AZI2: variants seen among roughly 807,000 people sequenced by gnomAD.
The protein encoded by AZI2 is 5-azacytidine-induced protein 2.
In AZI2, 22 loss-of-function variants were observed where a neutral mutation model predicts 45.8. The ratio of observed to expected loss-of-function variants is 0.48; its 90% CI spans 0.34 to 0.69. The LOEUF is 0.69. Ranked by LOEUF, AZI2 falls within the 30% of genes least tolerant of loss-of-function variation. AZI2 has a pLI of 0.01. For missense variants in AZI2, 417 were observed against 441.5 expected (o/e 0.94, Z 0.50); for synonymous variants, 137 against 156.7 (o/e 0.87, Z 0.94).
chr3:28,342,107 G>A (rs901475025), intron 1 of AZI2, among the ~76,000 whole-genome samples: 14 of 152,018 alleles, frequency 9.2e-5, no homozygotes, highest in African/African-American at 3.1e-4. Context: ...CTAACAAAAG[G>A]TTTTGTGTTT....
At chr3:28,325,653 G>C (rs1471818331) in intron 7 of AZI2, among the ~76,000 whole-genome samples, 1 of 151,054 alleles carries the variant, frequency 6.6e-6, no homozygotes, top group Non-Finnish European at 1.5e-5. Context: ...TATGAAAAGA[G>C]CATTGCTCCT....
chr3:28,345,465 TA>T (rs1410589812), intron 1 of AZI2, among the ~76,000 whole-genome samples: 1 of 152,150 alleles, frequency 6.6e-6, no homozygotes, highest in Admixed American at 6.5e-5. Context: ...GCAAACATTT[TA>T]TATATTTGGC....
At chr3:28,329,740 G>C (rs1703507794) in intron 6 of AZI2, among the ~76,000 whole-genome samples, 2 of 151,190 alleles carry the variant, frequency 1.3e-5, no homozygotes, top group Admixed American at 1.3e-4. Flanking sequence ...AAGAGTTATA[G>C]ACTTAAAAGT....
chr3:28,338,550 A>G lies in AZI2; in HGVS notation c.282T>C (p.His94=), dbSNP rs1472383828. Residue 94 remains histidine (H), a synonymous_variant, in exon 3 of 8, where the codon CAT becomes CAC. Transcript: ENST00000479665. The part of the protein sequence containing the change: ...VGREQVNKAY[H]AYREVCIDRD... ...TATCAATGCAAACCTCTCGATATGCATGATAGGCCTTATTTACTTGTTCTC... is the reference window on the plus strand; with the variant it reads ...TATCAATGCAAACCTCTCGATATGCGTGATAGGCCTTATTTACTTGTTCTC... 1 of 1,609,012 alleles carries G rather than the reference A, an allele frequency of 6.2e-7. No homozygotes were observed. The highest frequency in any genetic ancestry group is 1.3e-5 in the African/African-American group (1 of 74,882).
rs1240831575 is a variant in AZI2, at chr3:28,332,408, T to C, written c.608A>G (p.Asn203Ser). ...AKQTDPYQED[N>S]LKSRDLQKLS... ...TTTTTGGAGATCTCTGCTCTTCAGA[T>C]TGTCTTCCTGATATGGATCCTGTCA... The change falls in exon 6 of 8, where the codon AAT becomes AGT. Residue 203 changes from asparagine to serine, a missense_variant. By Grantham distance (46) the Asn-to-Ser change is conservative. Coordinates refer to ENST00000479665, the MANE Select transcript of AZI2 (RefSeq NM_022461.5). 2.5e-6 allele frequency: 4 copies of C among 1,608,816 alleles called. No homozygotes were observed. Among genetic ancestry groups the C allele is most frequent in the Admixed American group, 3.3e-5 (2 of 59,714 alleles).
Position 28,322,452 on chromosome 3 carries a change from C to T in AZI2, c.*1590G>A, listed in dbSNP as rs1004164076. 6.6e-6 allele frequency: 1 copy of T among 151,342 alleles called. No homozygotes were observed. The highest frequency in any genetic ancestry group is 1.5e-5 in the Non-Finnish European group (1 of 67,298). 9.4% of individuals were successfully genotyped at this position (151,342 alleles called of 1,614,324 possible). Reference sequence around the variant, plus strand: ...TATCTCATAAGACTTTTTTTCTTTACAAAGGAAAATTTCCAATTTTGGTTT... The same window carrying T: ...TATCTCATAAGACTTTTTTTCTTTATAAAGGAAAATTTCCAATTTTGGTTT... On this transcript the variant is annotated 3_prime_UTR_variant, in exon 8 of 8. Coordinates refer to ENST00000479665, the MANE Select transcript of AZI2 (RefSeq NM_022461.5).
chr3:28,347,179 C>T (rs1704276574), intron 1 of AZI2, among the ~76,000 whole-genome samples: 1 of 151,856 alleles, frequency 6.6e-6, no homozygotes, highest in South Asian at 2.1e-4. Context: ...AATATAAGTG[C>T]CATAAAAAAG....
intron 5 of AZI2, among the ~76,000 whole-genome samples, chr3:28,333,541 C>CAT (rs10695411): frequency 0.3 from 45,314 of 151,278 alleles, 7,742 homozygotes; most frequent in African/African-American, 0.45. Context: ...TATACTTATG[C>CAT]ATATGTTCAT....
At chr3:28,340,328 A>G in intron 2 of AZI2, 74 bp downstream of exon 2, 1 of 1,030,548 alleles carries the variant, frequency 9.7e-7, no homozygotes, top group Non-Finnish European at 1.4e-6. Context: ...CAGGACAAAA[A>G]GTATTCAAAA....
At chr3:28,347,719 C>G (rs532580684) in intron 1 of AZI2, among the ~76,000 whole-genome samples, 2 of 152,272 alleles carry the variant, frequency 1.3e-5, no homozygotes, top group Admixed American at 1.3e-4. Flanking sequence ...GGCTTACAAA[C>G]AATATCACAT....
intron 7 of AZI2, among the ~76,000 whole-genome samples, chr3:28,326,059 C>A (rs1703375357): frequency 1.3e-5 from 2 of 151,016 alleles, no homozygotes; most frequent in South Asian, 2.1e-4. Flanking sequence ...TGGTGATAAT[C>A]TTTTATAAAA....
rs990086202 is a variant in AZI2 at position 28,340,459 on chromosome 3, C to T, written c.159G>A (p.Lys53=). Residue 53 remains lysine (K), a synonymous_variant, in exon 2 of 8, where the codon AAG becomes AAA. Transcript: ENST00000479665. The part of the protein sequence containing the change: ...TAYEDIKKRL[K]DSEKENSLLK... Reference sequence around the variant, plus strand: ...ACAAAGAGTTCTCTTTCTCTGAATCCTTAAGTCGTTTTTTGATGTCTTCAT... The same window carrying T: ...ACAAAGAGTTCTCTTTCTCTGAATCTTTAAGTCGTTTTTTGATGTCTTCAT... The T allele has an allele frequency of 6.2e-7, 1 of 1,612,316 alleles. No individual in the cohort carries two copies. The highest frequency in any genetic ancestry group is 8.5e-7 in the Non-Finnish European group (1 of 1,178,884).
At position 28,338,608 on chromosome 3, in the gene AZI2, G is replaced by T; in HGVS notation, c.224C>A (p.Ala75Asp). The T allele has an allele frequency of 8.1e-6, 13 of 1,608,834 alleles. No homozygotes were observed. Among genetic ancestry groups the T allele is most frequent in the Non-Finnish European group, 1.1e-5 (13 of 1,177,566 alleles). Residue 75 changes from alanine to aspartate, a missense_variant, in exon 3 of 8, where the codon GCT becomes GAT. Transcript: ENST00000479665. ...RIRFLEEKLI[A>D]RFEEETSSVG... ...GGAACTTGTTTCTTCTTCAAATCGA[G>T]CTATTAGCTAACGGTATGAAATTAG...
At chr3:28,333,679 G>C (rs1703674678) in intron 5 of AZI2, among the ~76,000 whole-genome samples, 3 of 151,506 alleles carry the variant, frequency 2.0e-5, no homozygotes. Flanking sequence ...AGCTCATAGA[G>C]ACTGTATCTA....
chr3:28,333,749 G>A (rs1047144716), intron 5 of AZI2, among the ~76,000 whole-genome samples: 1 of 151,554 alleles, frequency 6.6e-6, no homozygotes, highest in Non-Finnish European at 1.5e-5. Flanking sequence ...AGGTGGTAAT[G>A]GATCTGTTCC....
chr3:28,337,941 C>G lies in AZI2; in HGVS notation c.435G>C (p.Gln145His). The G allele has an allele frequency of 6.4e-7, 1 of 1,555,060 alleles. No individual in the cohort carries two copies. Among genetic ancestry groups the G allele is most frequent in the Non-Finnish European group, 8.7e-7 (1 of 1,144,556 alleles). Residue 145 changes from glutamine to histidine, a missense_variant, in exon 4 of 8, where the codon CAG becomes CAC. Coordinates refer to ENST00000479665, the MANE Select transcript of AZI2 (RefSeq NM_022461.5). ...TATAACAAGTAACTGGCATACCCTG[C>G]TGAGTTTCCACCTCTGTCCTCAGCT... Reference protein sequence around the residue: ...LLQLRTEVETQQVMRNLNPPS... With the variant: ...LLQLRTEVETHQVMRNLNPPS...
Position 28,332,671 on chromosome 3 carries a change from C to T in AZI2, c.589-244G>A, listed in dbSNP as rs1028825967. On this transcript the variant is annotated intron_variant, in intron 5 of 7. Coordinates refer to ENST00000479665, the MANE Select transcript of AZI2 (RefSeq NM_022461.5). ...TTTTCTTTAAAAGAATAAAATTGCT[C>T]TCATTCTGTAAAAGACCTTGTAATC... Among the ~76,000 whole-genome samples the T allele has an allele frequency of 3.3e-5, 5 of 151,768 alleles. 1 individual carries two copies. In the East Asian group the frequency reaches 7.8e-4, roughly 24 times the overall value.
chr3:28,332,289 T>C, intron 6 of AZI2, 80 bp downstream of exon 6: 2 of 1,285,024 alleles, frequency 1.6e-6, no homozygotes, highest in Non-Finnish European at 2.2e-6. Flanking sequence ...GGTTAAGTCA[T>C]AAAAGAAATC....
Position 28,322,540 on chromosome 3 carries a change from C to T in AZI2, c.*1502G>A, listed in dbSNP as rs1703218182. On this transcript the variant is annotated 3_prime_UTR_variant, in exon 8 of 8. Coordinates refer to ENST00000479665, the MANE Select transcript of AZI2 (RefSeq NM_022461.5). ...ATATAATATACAGCCTATGCAGCCA[C>T]ATGAGAAATAGTTTTTGCTGCTTTG... The T allele has an allele frequency of 6.6e-6, 1 of 151,596 alleles. No homozygotes were observed. The highest frequency in any genetic ancestry group is 1.5e-5 in the Non-Finnish European group (1 of 67,386). 9.4% of individuals were successfully genotyped at this position (151,596 alleles called of 1,614,324 possible).
Sources: allele counts gnomAD v4.1 joint callset (sites outside exome capture counted in the v4.1 genomes callset), GRCh38; gene constraint gnomAD v4.1.1; transcripts MANE v1.5; gene names NCBI Gene and HGNC (gene_info 2026-07-23, HGNC 2026-07-21).